SZRD1: variants seen among roughly 807,000 people sequenced by gnomAD.
SZRD1 encodes SUZ RNA-binding domain-containing.
Under a neutral mutation model 17.6 loss-of-function variants are expected in SZRD1, and 7 were observed. The ratio of observed to expected loss-of-function variants is 0.40; its 90% confidence interval spans 0.23 to 0.75. SZRD1 has a LOEUF of 0.75. Among genes scored for constraint, SZRD1 ranks in the 30% least tolerant of loss-of-function variants. SZRD1 has a pLI of 0.38. For missense variants in SZRD1, 178 were observed against 201.8 expected (o/e 0.88, Z 0.71); for synonymous variants, 77 against 77.9 (o/e 0.99, Z 0.06).
At chr1:16,394,975 G>T (rs1010337223) in intron 3 of SZRD1, 63 bp from the exon 4 acceptor site, 2 of 955,976 alleles carry the variant, frequency 2.1e-6, no homozygotes, top group African/African-American at 1.7e-5. Context: ...AAAAAATAAA[G>T]AAATGATGGG....
At position 16,396,811 on chromosome 1, in the gene SZRD1, GGCCAGCT is replaced by G. The variant is rs1334808681; in HGVS notation, c.*1680_*1686del. On this transcript the variant is annotated 3_prime_UTR_variant, in exon 4 of 4. Coordinates refer to ENST00000401088, the MANE Select transcript of SZRD1 (RefSeq NM_001114600.3). ...AACACGTCCTCTCCTCCGGAGGAAG[GGCCAGCT>G]GCCAGCTGAGTCAGCAGCTAGTCCA... The G allele has an allele frequency of 1.3e-5, 2 of 152,340 alleles. No homozygotes were observed. Among genetic ancestry groups the G allele is most frequent in the Non-Finnish European group, 2.9e-5 (2 of 68,154 alleles). 9.4% of individuals were successfully genotyped at this position (152,340 alleles called of 1,614,324 possible). A position where few individuals can be genotyped will look rare whatever the true frequency, so the allele number is the denominator to read the frequency against.
In SZRD1 at chr1:16,375,377, G is replaced by A. The variant is rs2082984127; in HGVS notation, c.51+8069G>A. On this transcript the variant is annotated intron_variant, in intron 1 of 3. Transcript: ENST00000401088. ...GTCACCCAGGCTAGAGTGCAGTGGCGCAATTTCTGCTCACTGAACCTCTGC... is the reference window on the plus strand; with the variant it reads ...GTCACCCAGGCTAGAGTGCAGTGGCACAATTTCTGCTCACTGAACCTCTGC... Among the ~76,000 whole-genome samples, 4 of 151,528 alleles carry A rather than the reference G, an allele frequency of 2.6e-5. No individual in the cohort carries two copies. The South Asian group carries it at 8.3e-4, about 32-fold the overall frequency.
intron 1 of SZRD1, among the ~76,000 whole-genome samples, chr1:16,374,291 T>C (rs1211393826): frequency 6.6e-6 from 1 of 152,204 alleles, no homozygotes; most frequent in Non-Finnish European, 1.5e-5. Flanking sequence ...GGGCTTTCTG[T>C]GAAGCAGTTG....
chr1:16,371,530 C>A (rs578045937), intron 1 of SZRD1, among the ~76,000 whole-genome samples: 2 of 150,030 alleles, frequency 1.3e-5, no homozygotes, highest in Non-Finnish European at 3.0e-5. Flanking sequence ...GGCGCAATCT[C>A]GGCTCATTGC....
In SZRD1 at chr1:16,396,437, T is replaced by A. The variant is rs1212183342; in HGVS notation, c.*1297T>A. 6.6e-6 allele frequency: 1 copy of A among 152,208 alleles called. No homozygotes were observed. Among genetic ancestry groups the A allele is most frequent in the Non-Finnish European group, 1.5e-5 (1 of 68,050 alleles). The allele number at this position is 152,208 out of a possible 1,614,324, so 9.4% of individuals were successfully genotyped here. Reference sequence around the variant, plus strand: ...GGCCTAGGCTACCCGTCACCCCTTTTTCCAGAGCGAGGGCCTGGAATGAAG... The same window carrying A: ...GGCCTAGGCTACCCGTCACCCCTTTATCCAGAGCGAGGGCCTGGAATGAAG... On this transcript the variant is annotated 3_prime_UTR_variant, in exon 4 of 4. Transcript: ENST00000401088.
intron 1 of SZRD1, among the ~76,000 whole-genome samples, chr1:16,369,936 G>C (rs912993003): frequency 6.7e-6 from 1 of 150,034 alleles, no homozygotes; most frequent in Non-Finnish European, 1.5e-5. Context: ...CACAAACCTT[G>C]CCTTATTGAC....
At chr1:16,367,384 G>T in intron 1 of SZRD1, 76 bp downstream of exon 1, 1 of 1,398,044 alleles carries the variant, frequency 7.2e-7, no homozygotes. Flanking sequence ...AGCGGGTCTG[G>T]AGATAGTTCT....
intron 1 of SZRD1, among the ~76,000 whole-genome samples, chr1:16,389,984 C>T (rs764593201): frequency 7.2e-5 from 11 of 152,228 alleles, no homozygotes; most frequent in Non-Finnish European, 1.5e-4. Context: ...CACTGTAGGA[C>T]ATTTAGCATT....
In SZRD1 at chr1:16,382,908, C is replaced by G. The variant is rs527623141; in HGVS notation, c.52-8467C>G. ...TGAGACGGAGTCTCACTCTCTCCCC[C>G]CTGCTAGAGTACAATGGTGCAATCT... On this transcript the variant is annotated intron_variant, in intron 1 of 3. Transcript: ENST00000401088. 1.4e-3 allele frequency among the ~76,000 whole-genome samples: 218 copies of G among 152,150 alleles called. 1 individual carries two copies. Among genetic ancestry groups the G allele is most frequent in the Admixed American group, 2.6e-3 (40 of 15,280 alleles).
At chr1:16,374,876 T>G (rs1222671752) in intron 1 of SZRD1, among the ~76,000 whole-genome samples, 2 of 128,756 alleles carry the variant, frequency 1.6e-5, no homozygotes, top group African/African-American at 5.1e-5. Context: ...TTGAGTGTTT[T>G]TGTTTTGTTT....
chr1:16,395,770 T>C lies in SZRD1; in HGVS notation c.*630T>C, dbSNP rs2085300580. ...GAAATTCACTAGAAACATTAACCAA[T>C]AGGATTTTGGTGAGCTTAGCTTCTG... On this transcript the variant is annotated 3_prime_UTR_variant, in exon 4 of 4. Transcript: ENST00000401088. 6.4e-6 allele frequency: 1 copy of C among 155,522 alleles called. No homozygotes were observed. The highest frequency in any genetic ancestry group is 1.4e-5 in the Non-Finnish European group (1 of 69,806). The allele number at this position is 155,522 out of a possible 1,614,324, so 9.6% of individuals were successfully genotyped here.
intron 1 of SZRD1, chr1:16,387,246 C>A: frequency 2.2e-6 from 1 of 453,616 alleles, no homozygotes; most frequent in South Asian, 1.6e-5. Context: ...AAGCGCTTTT[C>A]TTCCACCCAG....
intron 3 of SZRD1, 26 bp from the exon 4 acceptor site, chr1:16,395,012 C>G: frequency 7.5e-7 from 1 of 1,336,528 alleles, no homozygotes; most frequent in Non-Finnish European, 1.1e-6. Flanking sequence ...CTTCTTCAGG[C>G]CTTCCTCTGC....
In SZRD1 at chr1:16,367,573, C is replaced by T. The variant is rs1394739268; in HGVS notation, c.51+265C>T. ...GGGGCGCCCCACCCGCCACCCGGGG[C>T]CTCCTTTCCTGACCCCCCGCGCCCA... On this transcript the variant is annotated intron_variant, in intron 1 of 3. Coordinates refer to ENST00000401088, the MANE Select transcript of SZRD1 (RefSeq NM_001114600.3). 8 of 513,824 alleles carry T rather than the reference C, an allele frequency of 1.6e-5. No individual in the cohort carries two copies. In the East Asian group the frequency reaches 2.8e-4, roughly 18 times the overall value. The allele number at this position is 513,824 out of a possible 1,614,324, so 31.8% of individuals were successfully genotyped here.
At chr1:16,387,027 G>A (rs970567149) in intron 1 of SZRD1, 2 of 279,140 alleles carry the variant, frequency 7.2e-6, no homozygotes, top group Non-Finnish European at 1.4e-5. Flanking sequence ...CTGACAGAAG[G>A]ATAAAAGCTA....
At chr1:16,389,879 T>C (rs612727) in intron 1 of SZRD1, among the ~76,000 whole-genome samples, 106,702 of 152,214 alleles carry the variant, frequency 0.7, 38,018 homozygotes, top group East Asian at 0.86. Flanking sequence ...GTGATGGACT[T>C]CTTTGAAAAT....
chr1:16,378,960 C>G (rs940862012), intron 1 of SZRD1, among the ~76,000 whole-genome samples: 7 of 151,916 alleles, frequency 4.6e-5, no homozygotes, highest in South Asian at 2.1e-4. Flanking sequence ...CTCCTGACCT[C>G]AGGGGATCCA....
chr1:16,374,980 C>T (rs1473055157), intron 1 of SZRD1, among the ~76,000 whole-genome samples: 2 of 151,856 alleles, frequency 1.3e-5, no homozygotes, highest in African/African-American at 4.8e-5. Context: ...CGGGTTCGAG[C>T]GATTCTCCTG....
chr1:16,385,203 G>A (rs1458776489), intron 1 of SZRD1, among the ~76,000 whole-genome samples: 1 of 152,216 alleles, frequency 6.6e-6, no homozygotes, highest in Non-Finnish European at 1.5e-5. Flanking sequence ...GAGGGATGCT[G>A]TGATGGAGTA....
Sources: gnomAD v4.1 joint callset for allele counts (sites outside exome capture counted in the v4.1 genomes callset) on GRCh38, gnomAD v4.1.1 for gene constraint, MANE v1.5 for transcripts, NCBI Gene and HGNC (gene_info 2026-07-23, HGNC 2026-07-21) for gene names.